The following H1-3 variants were observed in gnomAD, a reference collection of about 807,000 sequenced individuals.
H1-3 encodes histone H1.3.
In H1-3, 4 loss-of-function variants were observed where a neutral mutation model predicts 3.6. The observed-to-expected ratio is 1.12, with a 90% CI of 0.55 to 2.57. H1-3 has a LOEUF of 2.57. Among genes scored for constraint, H1-3 ranks in the 30% most tolerant of loss-of-function variants. The probability of loss-of-function intolerance (pLI) is 0.02; values close to 1 mark genes in which losing one functional copy is unlikely to be tolerated. For synonymous variants in H1-3, 266 were observed against 110.0 expected, an observed-to-expected ratio of 2.42 and a Z score of -8.87; for missense variants, 670 against 274.3, an observed-to-expected ratio of 2.44 and a Z score of -10.19.
At position 26,234,321 on chromosome 6, in the gene H1-3, A is replaced by C; in HGVS notation, c.613T>G (p.Ser205Ala). 1 of 1,612,740 alleles carries C rather than the reference A, an allele frequency of 6.2e-7. No individual in the cohort carries two copies. The highest frequency in any genetic ancestry group is 8.5e-7 in the Non-Finnish European group (1 of 1,179,642). Residue 205 changes from serine to alanine, a missense_variant, in exon 1 of 1, where the codon TCG (serine) becomes GCG (alanine). Coordinates refer to ENST00000244534, the MANE Select transcript of H1-3 (RefSeq NM_005320.3). ...GCCTTTGTAACCTTCGGCTTCCCCGACTTAGGCTTGGCCGCCTTGGGCTTA... is the reference window on the plus strand; with the variant it reads ...GCCTTTGTAACCTTCGGCTTCCCCGCCTTAGGCTTGGCCGCCTTGGGCTTA... ...APKPKAAKPK[S>A]GKPKVTKAKK...
chr6:26,234,821 C>T lies in H1-3; in HGVS notation c.113G>A (p.Gly38Glu), dbSNP rs890781296. The T allele has an allele frequency of 1.2e-6, 2 of 1,614,094 alleles. No individual in the cohort carries two copies. Among genetic ancestry groups the T allele is most frequent in the African/African-American group, 1.3e-5 (1 of 74,940 alleles). ...GATAGKRKAS[G>E]PPVSELITKA... is the part of the protein sequence containing the mutation. The stretch of plus-strand genomic sequence containing the variant: ...GGTGATAAGCTCAGATACTGGGGGT[C>T]CGGATGCTTTGCGTTTCCCAGCAGT... The change falls in exon 1 of 1, where the codon GGA (glycine) becomes GAA (glutamate). Residue 38 changes from glycine to glutamate, a missense_variant. By Grantham distance (98) the Gly-to-Glu change is moderately conservative. Coordinates refer to ENST00000244534, the MANE Select transcript of H1-3 (RefSeq NM_005320.3).
Position 26,234,389 on chromosome 6 carries a change from T to C in H1-3, c.545A>G (p.Gln182Arg), listed in dbSNP as rs570483224. 44 of 1,614,264 alleles carry C rather than the reference T, an allele frequency of 2.7e-5. No homozygotes were observed. In the South Asian group the frequency reaches 4.3e-4, roughly 16 times the overall value. ...AKSAKKVKTP[Q>R]PKKAAKSPAK... ...TGGACTCTTGGCAGCTTTTTTTGGC[T>C]GAGGTGTTTTCACCTTTTTCGCACT... is the stretch of plus-strand genomic sequence containing the variant. Residue 182 changes from glutamine (Q) to arginine (R), a missense_variant, in exon 1 of 1, where the codon CAG (glutamine) becomes CGG (arginine). Coordinates refer to ENST00000244534, the MANE Select transcript of H1-3 (RefSeq NM_005320.3).
chr6:26,234,402 C>A lies in H1-3; in HGVS notation c.532G>T (p.Val178Leu). 6.2e-7 allele frequency: 1 copy of A among 1,614,216 alleles called. No homozygotes were observed. Among genetic ancestry groups the A allele is most frequent in the Non-Finnish European group, 8.5e-7 (1 of 1,180,042 alleles). ...TKKVAKSAKK[V>L]KTPQPKKAAK... is the part of the protein sequence containing the mutation. ...GCTTTTTTTGGCTGAGGTGTTTTCA[C>A]CTTTTTCGCACTCTTGGCCACTTTC... is the stretch of plus-strand genomic sequence containing the variant. Residue 178 changes from valine (V) to leucine (L), a missense_variant, in exon 1 of 1, where the codon GTG (valine) becomes TTG (leucine). Transcript: ENST00000244534.
In H1-3 at chr6:26,234,512, T is replaced by G. The variant is rs201217759; in HGVS notation, c.422A>C (p.Lys141Thr). The part of the protein sequence containing the change: ...KPAGAAKKPK[K>T]VAGAATPKKS... ...CTTCGGGGTAGCGGCGCCAGCCACC[T>G]TCTTGGGCTTCTTGGCTGCCCCAGC... The change falls in exon 1 of 1, where the codon AAG becomes ACG. Residue 141 changes from lysine to threonine, a missense_variant. Transcript: ENST00000244534. 6.2e-7 allele frequency: 1 copy of G among 1,613,796 alleles called. No homozygotes were observed. The highest frequency in any genetic ancestry group is 1.7e-5 in the Admixed American group (1 of 60,024).
In H1-3 at chr6:26,234,530, G is replaced by A. The variant is rs1475772054; in HGVS notation, c.404C>T (p.Ala135Val). 11 of 1,613,190 alleles carry A rather than the reference G, an allele frequency of 6.8e-6. No individual in the cohort carries two copies. Among genetic ancestry groups the A allele is most frequent in the South Asian group, 1.1e-5 (1 of 91,068 alleles). The change falls in exon 1 of 1, where the codon GCA (alanine) becomes GTA (valine). Residue 135 changes from alanine (A) to valine (V), a missense_variant. Physicochemically the swap from Ala to Val is moderately conservative, Grantham distance 64 (BLOSUM62 0). Transcript: ENST00000244534. ...AGCCACCTTCTTGGGCTTCTTGGCT[G>A]CCCCAGCAGGCTTCCTAGGCTTGGC... ...GAAKPRKPAG[A>V]AKKPKKVAGA...
chr6:26,234,264 A>T lies in H1-3; in HGVS notation c.*4T>A. On this transcript the variant is annotated 3_prime_UTR_variant, in exon 1 of 1. Coordinates refer to ENST00000244534, the MANE Select transcript of H1-3 (RefSeq NM_005320.3). ...AATTTTCAAAGGGGAACGTCCCGCC[A>T]GTTTCACTTTTTCTTCGGAGCTGCC... 8 of 1,584,648 alleles carry T rather than the reference A, an allele frequency of 5.0e-6. No individual in the cohort carries two copies. The highest frequency in any genetic ancestry group is 6.8e-6 in the Non-Finnish European group (8 of 1,170,868).
chr6:26,234,268 TCAC>T lies in H1-3; in HGVS notation c.663_665del (p.Ter222delextTer7). Reference sequence around the variant, plus strand: ...TTCAAAGGGGAACGTCCCGCCAGTTTCACTTTTTCTTCGGAGCTGCCTTCTTTG... The same window carrying T: ...TTCAAAGGGGAACGTCCCGCCAGTTTTTTTTCTTCGGAGCTGCCTTCTTTG... On this transcript the variant is annotated stop_lost and inframe_deletion, in exon 1 of 1. Coordinates refer to ENST00000244534, the MANE Select transcript of H1-3 (RefSeq NM_005320.3). 1 of 1,586,514 alleles carries T rather than the reference TCAC, an allele frequency of 6.3e-7. No individual in the cohort carries two copies.
At position 26,234,940 on chromosome 6, in the gene H1-3, G is replaced by A. The variant is rs368415674; in HGVS notation, c.-7C>T. 36 of 1,590,846 alleles carry A rather than the reference G, an allele frequency of 2.3e-5. No homozygotes were observed. Among genetic ancestry groups the A allele is most frequent in the Non-Finnish European group, 3.1e-5 (36 of 1,171,514 alleles). ...GTGGAGCAGTCTCCGACATGTTTTT[G>A]TCTTCCCAGAAAAGACAATAAGTAA... is the stretch of plus-strand genomic sequence containing the variant. On this transcript the variant is annotated 5_prime_UTR_variant, in exon 1 of 1. Coordinates refer to ENST00000244534, the MANE Select transcript of H1-3 (RefSeq NM_005320.3).
chr6:26,234,845 G>C lies in H1-3; in HGVS notation c.89C>G (p.Thr30Ser). The change falls in exon 1 of 1, where the codon ACT becomes AGT. Residue 30 changes from threonine to serine, a missense_variant. Coordinates refer to ENST00000244534, the MANE Select transcript of H1-3 (RefSeq NM_005320.3). ...TCCGGATGCTTTGCGTTTCCCAGCA[G>C]TTGCGCCTGCCTTCTTCGCCTTTTT... ...VKKKAKKAGA[T>S]AGKRKASGPP... is the part of the protein sequence containing the mutation. 1.2e-6 allele frequency: 2 copies of C among 1,614,236 alleles called. No individual in the cohort carries two copies. The highest frequency in any genetic ancestry group is 1.7e-6 in the Non-Finnish European group (2 of 1,180,048).
chr6:26,234,924 T>C lies in H1-3; in HGVS notation c.10A>G (p.Thr4Ala). The change falls in exon 1 of 1, where the codon ACT becomes GCT. Residue 4 changes from threonine (T) to alanine (A), a missense_variant. Thr to Ala is a moderately conservative substitution (Grantham distance 58). Coordinates refer to ENST00000244534, the MANE Select transcript of H1-3 (RefSeq NM_005320.3). MSE[T>A]APLAPTIPAP... ...GGAATGGTAGGAGCAAGTGGAGCAG[T>C]CTCCGACATGTTTTTGTCTTCCCAG... The C allele has an allele frequency of 6.2e-7, 1 of 1,600,844 alleles. No individual in the cohort carries two copies. Among genetic ancestry groups the C allele is most frequent in the Non-Finnish European group, 8.5e-7 (1 of 1,175,642 alleles).
chr6:26,234,264 A>G lies in H1-3; in HGVS notation c.*4T>C. ...AATTTTCAAAGGGGAACGTCCCGCC[A>G]GTTTCACTTTTTCTTCGGAGCTGCC... is the stretch of plus-strand genomic sequence containing the variant. On this transcript the variant is annotated 3_prime_UTR_variant, in exon 1 of 1. Transcript: ENST00000244534. 1 of 1,584,648 alleles carries G rather than the reference A, an allele frequency of 6.3e-7. No homozygotes were observed. The highest frequency in any genetic ancestry group is 8.5e-7 in the Non-Finnish European group (1 of 1,170,868).
Position 26,234,363 on chromosome 6 carries a change from C to A in H1-3, c.571G>T (p.Ala191Ser). ...TTGGGCTTAGGGGCTTTGGCCTTAG[C>A]TGGACTCTTGGCAGCTTTTTTTGGC... ...PQPKKAAKSP[A>S]KAKAPKPKAA... The change falls in exon 1 of 1, where the codon GCT becomes TCT. Residue 191 changes from alanine (A) to serine (S), a missense_variant. Physicochemically the swap from Ala to Ser is moderately conservative, Grantham distance 99. Coordinates refer to ENST00000244534, the MANE Select transcript of H1-3 (RefSeq NM_005320.3). The A allele has an allele frequency of 6.2e-7, 1 of 1,614,246 alleles. No individual in the cohort carries two copies. Among genetic ancestry groups the A allele is most frequent in the South Asian group, 1.1e-5 (1 of 91,088 alleles).
rs752533232 is a variant in H1-3 at position 26,234,559 on chromosome 6, G to C, written c.375C>G (p.Gly125=). ...GEGKPKAKKA[G]AAKPRKPAGA... ...CAGCAGGCTTCCTAGGCTTGGCTGC[G>C]CCAGCCTTTTTGGCCTTGGGTTTGC... The change falls in exon 1 of 1, where the codon GGC becomes GGG. Residue 125 remains glycine (G), a synonymous_variant. Coordinates refer to ENST00000244534, the MANE Select transcript of H1-3 (RefSeq NM_005320.3). 3.7e-6 allele frequency: 6 copies of C among 1,612,640 alleles called. No individual in the cohort carries two copies. The highest frequency in any genetic ancestry group is 3.3e-5 in the Admixed American group (2 of 59,714).
chr6:26,234,536 G>C lies in H1-3; in HGVS notation c.398C>G (p.Ala133Gly). ...KAGAAKPRKPAGAAKKPKKVA... is the reference protein window; with the variant it reads ...KAGAAKPRKPGGAAKKPKKVA... Reference sequence around the variant, plus strand: ...CTTCTTGGGCTTCTTGGCTGCCCCAGCAGGCTTCCTAGGCTTGGCTGCGCC... The same window carrying C: ...CTTCTTGGGCTTCTTGGCTGCCCCACCAGGCTTCCTAGGCTTGGCTGCGCC... Residue 133 changes from alanine (A) to glycine (G), a missense_variant, in exon 1 of 1, where the codon GCT becomes GGT. By Grantham distance (60) the Ala-to-Gly change is moderately conservative (BLOSUM62 0). Coordinates refer to ENST00000244534, the MANE Select transcript of H1-3 (RefSeq NM_005320.3). The C allele has an allele frequency of 1.2e-6, 2 of 1,613,320 alleles. No homozygotes were observed. The highest frequency in any genetic ancestry group is 1.7e-6 in the Non-Finnish European group (2 of 1,179,874).
In H1-3 at chr6:26,234,529, T is replaced by A; in HGVS notation, c.405A>T (p.Ala135=). 3.1e-6 allele frequency: 5 copies of A among 1,613,682 alleles called. No individual in the cohort carries two copies. Among genetic ancestry groups the A allele is most frequent in the Non-Finnish European group, 4.2e-6 (5 of 1,179,974 alleles). Residue 135 remains alanine (A), a synonymous_variant, in exon 1 of 1, where the codon GCA becomes GCT. Coordinates refer to ENST00000244534, the MANE Select transcript of H1-3 (RefSeq NM_005320.3). ...GAAKPRKPAG[A]AKKPKKVAGA... ...CAGCCACCTTCTTGGGCTTCTTGGC[T>A]GCCCCAGCAGGCTTCCTAGGCTTGG...
chr6:26,234,490 C>T lies in H1-3; in HGVS notation c.444G>A (p.Pro148=), dbSNP rs777033317. ...TAGGAGTCTTTTTGATGCTTTTCTT[C>T]GGGGTAGCGGCGCCAGCCACCTTCT... ...KPKKVAGAAT[P]KKSIKKTPKK... Residue 148 remains proline (P), a synonymous_variant, in exon 1 of 1, where the codon CCG becomes CCA. Transcript: ENST00000244534. 4 of 1,613,898 alleles carry T rather than the reference C, an allele frequency of 2.5e-6. No individual in the cohort carries two copies. In the African/African-American group the frequency reaches 4.0e-5, roughly 16 times the overall value.
In H1-3 at chr6:26,234,920, G is replaced by A. The variant is rs762699214; in HGVS notation, c.14C>T (p.Ala5Val). 2.5e-6 allele frequency: 4 copies of A among 1,606,284 alleles called. No homozygotes were observed. The highest frequency in any genetic ancestry group is 3.4e-6 in the Non-Finnish European group (4 of 1,177,348). Residue 5 changes from alanine (A) to valine (V), a missense_variant, in exon 1 of 1, where the codon GCT (alanine) becomes GTT (valine). Physicochemically the swap from Ala to Val is moderately conservative, Grantham distance 64. Transcript: ENST00000244534. ...TGCAGGAATGGTAGGAGCAAGTGGA[G>A]CAGTCTCCGACATGTTTTTGTCTTC... Reference protein sequence around the residue: MSETAPLAPTIPAPA... With the variant: MSETVPLAPTIPAPA...
rs771897377 is a variant in H1-3 at position 26,234,705 on chromosome 6, T to G, written c.229A>C (p.Asn77His). ...LAAAGYDVEKNNSRIKLGLKS... is the reference protein window; with the variant it reads ...LAAAGYDVEKHNSRIKLGLKS... ...AGGCCAAGCTTGATACGGCTGTTGT[T>G]TTTTTCTACATCGTAGCCAGCAGCC... is the stretch of plus-strand genomic sequence containing the variant. The change falls in exon 1 of 1, where the codon AAC (asparagine) becomes CAC (histidine). Residue 77 changes from asparagine (N) to histidine (H), a missense_variant. Asn to His is a moderately conservative substitution (Grantham distance 68). Coordinates refer to ENST00000244534, the MANE Select transcript of H1-3 (RefSeq NM_005320.3). The G allele has an allele frequency of 1.2e-6, 2 of 1,613,644 alleles. No homozygotes were observed. Among genetic ancestry groups the G allele is most frequent in the African/African-American group, 1.3e-5 (1 of 74,856 alleles).
rs746902474 is a variant in H1-3 at position 26,234,400 on chromosome 6, C to T, written c.534G>A (p.Val178=). ...TKKVAKSAKK[V]KTPQPKKAAK... is the part of the protein sequence containing the mutation. Reference sequence around the variant, plus strand: ...CAGCTTTTTTTGGCTGAGGTGTTTTCACCTTTTTCGCACTCTTGGCCACTT... The same window carrying T: ...CAGCTTTTTTTGGCTGAGGTGTTTTTACCTTTTTCGCACTCTTGGCCACTT... Residue 178 remains valine, a synonymous_variant, in exon 1 of 1, where the codon GTG becomes GTA. Transcript: ENST00000244534. 3 of 1,614,214 alleles carry T rather than the reference C, an allele frequency of 1.9e-6. No individual in the cohort carries two copies. The highest frequency in any genetic ancestry group is 2.2e-5 in the South Asian group (2 of 91,090).
Sources: allele counts gnomAD v4.1 joint callset, GRCh38; gene constraint gnomAD v4.1.1; transcripts MANE v1.5; gene names NCBI Gene and HGNC (gene_info 2026-07-23, HGNC 2026-07-21).